The following FAM114A2 variants were observed in gnomAD, a reference collection of about 807,000 sequenced individuals.
FAM114A2 encodes the protein family with sequence similarity 114 member A2, also known as protein FAM114A2.
Under a neutral mutation model 58.4 loss-of-function variants are expected in FAM114A2, and 53 were observed. The observed-to-expected ratio is 0.91, with a 90% CI of 0.73 to 1.14. FAM114A2 has a LOEUF of 1.14. FAM114A2 is among the 50% of genes most tolerant of loss of function. The pLI is 0.00. For synonymous variants in FAM114A2, 228 were observed against 211.4 expected (o/e 1.08, Z -0.68); for missense variants, 601 against 581.1 (o/e 1.03, Z -0.35).
intron 4 of FAM114A2, among the ~76,000 whole-genome samples, chr5:154,030,333 CA>C (rs1232765910): frequency 6.6e-6 from 1 of 152,048 alleles, no homozygotes; most frequent in Non-Finnish European, 1.5e-5. Flanking sequence ...ACCATTATAC[CA>C]AATAATTTCA....
chr5:154,000,069 G>A (rs28891149), intron 11 of FAM114A2, among the ~76,000 whole-genome samples: 5,590 of 152,178 alleles, frequency 0.037, 263 homozygotes, highest in African/African-American at 0.1. Flanking sequence ...TGCAGGTCAC[G>A]AGGTTAAGTG....
At chr5:154,014,314 C>A (rs1770880492) in intron 8 of FAM114A2, among the ~76,000 whole-genome samples, 1 of 152,202 alleles carries the variant, frequency 6.6e-6, no homozygotes, top group Non-Finnish European at 1.5e-5. Context: ...GAAGAGATTT[C>A]AGGTCCCACT....
At position 154,029,606 on chromosome 5, in the gene FAM114A2, C is replaced by G. The variant is rs1399562640; in HGVS notation, c.404-26G>C. On this transcript the variant is annotated intron_variant, in intron 4 of 13. Transcript: ENST00000351797. The stretch of plus-strand genomic sequence containing the variant: ...CTACAAGAGGGAGGGGATGTGTAAA[C>G]ATGAAGGGAAGGTCCCTTAACTCTC... 4 of 1,331,948 alleles carry G rather than the reference C, an allele frequency of 3.0e-6. No homozygotes were observed. In the South Asian group the frequency reaches 3.6e-5, roughly 12 times the overall value. 82.5% of individuals were successfully genotyped at this position (1,331,948 alleles called of 1,614,324 possible). A position where few individuals can be genotyped will look rare whatever the true frequency, so the allele number is the denominator to read the frequency against.
intron 4 of FAM114A2, 78 bp downstream of exon 4, chr5:154,033,713 T>A (rs994978128): frequency 1.2e-6 from 1 of 847,858 alleles, no homozygotes; most frequent in Admixed American, 2.2e-5. Flanking sequence ...AGATGTCCAA[T>A]AAATACCTAC....
intron 2 of FAM114A2, 27 bp downstream of exon 2, chr5:154,034,717 C>A: frequency 6.7e-7 from 1 of 1,487,010 alleles, no homozygotes; most frequent in Non-Finnish European, 9.4e-7. Context: ...TTAATAGATA[C>A]CCTACTTTTT....
chr5:154,009,688 G>C (rs957300515), intron 9 of FAM114A2, among the ~76,000 whole-genome samples: 1 of 152,106 alleles, frequency 6.6e-6, no homozygotes, highest in African/African-American at 2.4e-5. Context: ...CCCTGGGCAG[G>C]ACACACCATC....
Position 153,991,566 on chromosome 5 carries a change from G to A in FAM114A2, c.*1410C>T, listed in dbSNP as rs1317021075. 1 of 152,138 alleles carries A rather than the reference G, an allele frequency of 6.6e-6. No homozygotes were observed. The highest frequency in any genetic ancestry group is 1.5e-5 in the Non-Finnish European group (1 of 68,028). 9.4% of individuals were successfully genotyped at this position (152,138 alleles called of 1,614,324 possible). A position where few individuals can be genotyped will look rare whatever the true frequency, so the allele number is the denominator to read the frequency against. Reference sequence around the variant, plus strand: ...AGAATATAGGCAGAGTAACATTGTAGTGCTGTTGGTATACCTTTTTAAACC... The same window carrying A: ...AGAATATAGGCAGAGTAACATTGTAATGCTGTTGGTATACCTTTTTAAACC... On this transcript the variant is annotated 3_prime_UTR_variant, in exon 14 of 14. Transcript: ENST00000351797.
Position 153,994,921 on chromosome 5 carries a change from C to G in FAM114A2, c.1381G>C (p.Glu461Gln). The G allele has an allele frequency of 6.3e-7, 1 of 1,593,610 alleles. No individual in the cohort carries two copies. The highest frequency in any genetic ancestry group is 8.6e-7 in the Non-Finnish European group (1 of 1,161,620). ...GAGACTTAAAAACAATTACTAACCT[C>G]TAGAAATACTGCAGTGATTAATGGG... ...LNPLITAVFL[E>Q]ASNSASYIQD... Residue 461 changes from glutamate (E) to glutamine (Q), a missense_variant and splice_region_variant, in exon 13 of 14, where the codon GAG (glutamate) becomes CAG (glutamine). Glu to Gln is a conservative substitution (Grantham distance 29, BLOSUM62 2). Coordinates refer to ENST00000351797, the MANE Select transcript of FAM114A2 (RefSeq NM_018691.4).
chr5:154,020,655 T>C (rs1771353048), intron 8 of FAM114A2, among the ~76,000 whole-genome samples: 1 of 152,116 alleles, frequency 6.6e-6, no homozygotes, highest in Non-Finnish European at 1.5e-5. Context: ...CAATAATTAA[T>C]AGCTTACCAA....
chr5:154,023,108 G>A (rs192937859), intron 8 of FAM114A2, among the ~76,000 whole-genome samples: 24 of 152,168 alleles, frequency 1.6e-4, no homozygotes, highest in Admixed American at 1.2e-3. Context: ...GACACAGGGC[G>A]GGGAACATCA....
intron 9 of FAM114A2, among the ~76,000 whole-genome samples, chr5:154,003,413 A>C (rs1770139375): frequency 6.6e-6 from 1 of 152,162 alleles, no homozygotes; most frequent in African/African-American, 2.4e-5. Flanking sequence ...TCCTGACCTC[A>C]GGTGATCCCC....
In FAM114A2 at chr5:153,999,438, C is replaced by T. The variant is rs1353750601; in HGVS notation, c.1257-1563G>A. On this transcript the variant is annotated intron_variant, in intron 11 of 13. Coordinates refer to ENST00000351797, the MANE Select transcript of FAM114A2 (RefSeq NM_018691.4). ...ATCACTTGAGGTCAGGAGTTTGAGA[C>T]CAGCCTGGCCAACATGGTGAAACCC... is the stretch of plus-strand genomic sequence containing the variant. 3.9e-5 allele frequency among the ~76,000 whole-genome samples: 6 copies of T among 152,148 alleles called. No individual in the cohort carries two copies. The East Asian group carries it at 1.2e-3, about 29-fold the overall frequency.
chr5:154,033,978 C>T, intron 3 of FAM114A2, 95 bp from the exon 4 acceptor site: 1 of 771,762 alleles, frequency 1.3e-6, no homozygotes, highest in Non-Finnish European at 2.2e-6. Flanking sequence ...TTTAGGACCA[C>T]AAGACATGTT....
chr5:154,006,220 T>C (rs1434576368), intron 9 of FAM114A2, among the ~76,000 whole-genome samples: 4 of 152,224 alleles, frequency 2.6e-5, no homozygotes, highest in Non-Finnish European at 5.9e-5. Flanking sequence ...TGCAAATATA[T>C]ACTAACACTG....
rs1309144593 is a variant in FAM114A2, at chr5:154,028,180, C to A, written c.599G>T (p.Gly200Val). The change falls in exon 6 of 14, where the codon GGT becomes GTT. Residue 200 changes from glycine to valine, a missense_variant. Physicochemically the swap from Gly to Val is moderately radical, Grantham distance 109. Transcript: ENST00000351797. The stretch of plus-strand genomic sequence containing the variant: ...TAGTGTAGCATTTCGGTTCATCAGA[C>A]CCTTGGTTCTTTTAAATCCAGGATC... ...EGDPGFKRTK[G>V]LMNRNATLSQ... The A allele has an allele frequency of 6.2e-7, 1 of 1,612,642 alleles. No individual in the cohort carries two copies. Among genetic ancestry groups the A allele is most frequent in the Middle Eastern group, 1.7e-4 (1 of 6,052 alleles).
intron 8 of FAM114A2, among the ~76,000 whole-genome samples, chr5:154,022,656 G>A (rs1771500030): frequency 1.3e-5 from 2 of 152,210 alleles, no homozygotes; most frequent in African/African-American, 2.4e-5. Context: ...GAGAGGATGT[G>A]AAGAAATAGG....
At position 154,002,341 on chromosome 5, in the gene FAM114A2, G is replaced by C; in HGVS notation, c.1166C>G (p.Ser389Ter). 6.2e-7 allele frequency: 1 copy of C among 1,614,020 alleles called. No homozygotes were observed. Among genetic ancestry groups the C allele is most frequent in the Non-Finnish European group, 8.5e-7 (1 of 1,179,902 alleles). Residue 389 changes from serine (S) to a stop codon, truncating the protein, a stop_gained, in exon 11 of 14, where the codon TCA (serine) becomes TGA (stop). Coordinates refer to ENST00000351797, the MANE Select transcript of FAM114A2 (RefSeq NM_018691.4). LOFTEE classifies it high-confidence loss of function. ...IRSLAELTAC[S>*]IELFHKTAAL... ...AGCTGTTTTGTGGAATAGTTCAATT[G>C]AGCAGGCAGTCAGTTCAGCCAGGCT...
At position 154,028,136 on chromosome 5, in the gene FAM114A2, G is replaced by C. The variant is rs1285604489; in HGVS notation, c.630+13C>G. 8.7e-6 allele frequency: 14 copies of C among 1,601,224 alleles called. No individual in the cohort carries two copies. In the South Asian group the frequency reaches 1.5e-4, roughly 17 times the overall value. ...ACAGAAACAGGAAGTAAACAGGTAA[G>C]GATAATCAGTACCTGAGATAGTGTA... On this transcript the variant is annotated intron_variant, in intron 6 of 13. Coordinates refer to ENST00000351797, the MANE Select transcript of FAM114A2 (RefSeq NM_018691.4).
At chr5:154,003,508 T>A (rs752086834) in intron 9 of FAM114A2, among the ~76,000 whole-genome samples, 1 of 152,094 alleles carries the variant, frequency 6.6e-6, no homozygotes, top group Non-Finnish European at 1.5e-5. Context: ...AACCAAGGTA[T>A]AATTTACATA....
Sources: allele counts gnomAD v4.1 joint callset (sites outside exome capture counted in the v4.1 genomes callset), GRCh38; gene constraint gnomAD v4.1.1; transcripts MANE v1.5; gene names NCBI Gene and HGNC (gene_info 2026-07-23, HGNC 2026-07-21).